Variants in RAI1 observed in about 807,000 individuals in gnomAD.
RAI1 encodes retinoic acid-induced protein 1.
In RAI1, 9 loss-of-function variants were observed where a neutral mutation model predicts 123.8. The observed-to-expected ratio is 0.07, with a 90% CI of 0.04 to 0.13. The LOEUF is 0.13. Among genes scored for constraint, RAI1 ranks in the 10% least tolerant of loss-of-function variants. The pLI is 1.00. For synonymous variants in RAI1, 1,231 were observed against 1,127.3 expected (o/e 1.09, Z -1.84); for missense variants, 2,256 against 2,545.8 (o/e 0.89, Z 2.45).
intron 2 of RAI1, chr17:17,778,320 G>A (rs1598073237): frequency 8.9e-6 from 2 of 224,498 alleles, no homozygotes; most frequent in East Asian, 1.2e-4. Flanking sequence ...GAAAGTACAA[G>A]ACTTGGACCT....
At chr17:17,783,270 C>T (rs1000153450) in intron 2 of RAI1, among the ~76,000 whole-genome samples, 3 of 152,036 alleles carry the variant, frequency 2.0e-5, no homozygotes, top group Admixed American at 6.5e-5. Flanking sequence ...CGCCCTTCGC[C>T]GGCGGAGAAC....
At chr17:17,741,385 C>T (rs536550132) in intron 2 of RAI1, among the ~76,000 whole-genome samples, 101 of 152,368 alleles carry the variant, frequency 6.6e-4, no homozygotes, top group African/African-American at 2.3e-3. Context: ...ACCCTCCCTC[C>T]CGGGCCCCTC....
At chr17:17,739,386 G>A (rs1026328121) in intron 2 of RAI1, among the ~76,000 whole-genome samples, 2 of 152,182 alleles carry the variant, frequency 1.3e-5, no homozygotes, top group African/African-American at 4.8e-5. Context: ...AAATGAAAAC[G>A]CAGAATCCCA....
chr17:17,764,849 CA>C, intron 2 of RAI1, among the ~76,000 whole-genome samples: 2 of 152,274 alleles, frequency 1.3e-5, no homozygotes, highest in Non-Finnish European at 2.9e-5. Context: ...CTCGGCCTCC[CA>C]AAGTGCTGGG....
intron 3 of RAI1, among the ~76,000 whole-genome samples, chr17:17,798,779 C>CA (rs1176166806): frequency 1.3e-5 from 2 of 152,206 alleles, no homozygotes; most frequent in Non-Finnish European, 2.9e-5. Context: ...CTCTCCCACT[C>CA]ACCTGGCATC....
rs1914598249 is a variant in RAI1, at chr17:17,685,513, T to C, written c.-149+3720T>C. On this transcript the variant is annotated intron_variant, in intron 1 of 5. Coordinates refer to ENST00000353383, the MANE Select transcript of RAI1 (RefSeq NM_030665.4). The surrounding 1 kb of genome is among the most constrained non-coding windows in gnomAD (Gnocchi z 4.0). ...GGGAACACAGTGAGCAGAGCGAGTC[T>C]TTGGAAGCTGGAAGGGATGTGGCCT... is the stretch of plus-strand genomic sequence containing the variant. Among the ~76,000 whole-genome samples the C allele has an allele frequency of 6.6e-6, 1 of 152,156 alleles. No homozygotes were observed. The highest frequency in any genetic ancestry group is 2.4e-5 in the African/African-American group (1 of 41,428).
intron 2 of RAI1, among the ~76,000 whole-genome samples, chr17:17,790,275 G>T (rs919185478): frequency 6.6e-6 from 1 of 152,250 alleles, no homozygotes; most frequent in Non-Finnish European, 1.5e-5. Flanking sequence ...CTGAGAGGCG[G>T]CCTGTGCCTT....
chr17:17,682,885 G>C (rs1295520428), intron 1 of RAI1, among the ~76,000 whole-genome samples: 1 of 152,122 alleles, frequency 6.6e-6, no homozygotes, highest in Non-Finnish European at 1.5e-5. Context: ...GAATGGATGG[G>C]AGCGAGTGTA....
intron 2 of RAI1, among the ~76,000 whole-genome samples, chr17:17,761,026 A>G (rs1424460685): frequency 6.6e-6 from 1 of 152,228 alleles, no homozygotes; most frequent in Non-Finnish European, 1.5e-5. Context: ...TTTTGGAGTC[A>G]AACAGACCTG....
Position 17,795,198 on chromosome 17 carries a change from C to T in RAI1, c.2250C>T (p.Asn750=), listed in dbSNP as rs2032185985. ...SANPFAWPEE[N]LGDACPRWGL... ...ACCCCTTTGCCTGGCCAGAGGAAAA[C>T]CTGGGGGATGCTTGTCCCAGGTGGG... is the stretch of plus-strand genomic sequence containing the variant. The change falls in exon 3 of 6, where the codon AAC becomes AAT. Residue 750 remains asparagine (N), a synonymous_variant. Transcript: ENST00000353383. This position sits in a 1 kb window ranked among gnomAD's most constrained non-coding sequence, Gnocchi z 5.9. 1.2e-6 allele frequency: 2 copies of T among 1,613,878 alleles called. No homozygotes were observed. Among genetic ancestry groups the T allele is most frequent in the African/African-American group, 1.3e-5 (1 of 74,902 alleles).
At chr17:17,730,874 C>T (rs567707444) in intron 2 of RAI1, among the ~76,000 whole-genome samples, 1 of 152,212 alleles carries the variant, frequency 6.6e-6, no homozygotes, top group Non-Finnish European at 1.5e-5. Context: ...GAAGCTTTGC[C>T]GGTGTCACTC....
At position 17,784,249 on chromosome 17, in the gene RAI1, G is replaced by T. The variant is rs372373803; in HGVS notation, c.-16-8684G>T. The stretch of plus-strand genomic sequence containing the variant: ...AACGGGGACTGGGAGGGGCTGGCCT[G>T]CTGTGCCTCCCCGGCTGTCAGAATG... On this transcript the variant is annotated intron_variant, in intron 2 of 5. Coordinates refer to ENST00000353383, the MANE Select transcript of RAI1 (RefSeq NM_030665.4). Among the ~76,000 whole-genome samples, 1,058 of 152,326 alleles carry T rather than the reference G, an allele frequency of 6.9e-3. 12 individuals are homozygous for T. The highest frequency in any genetic ancestry group is 0.024 in the African/African-American group (1,008 of 41,584).
chr17:17,710,759 G>A (rs1377002788), intron 1 of RAI1, among the ~76,000 whole-genome samples: 2 of 152,250 alleles, frequency 1.3e-5, no homozygotes, highest in African/African-American at 4.8e-5. Context: ...TGCCTCATTT[G>A]AGACAGAGCC....
chr17:17,744,784 C>T (rs1916764505), intron 2 of RAI1, among the ~76,000 whole-genome samples: 1 of 122,634 alleles, frequency 8.2e-6, no homozygotes, highest in South Asian at 2.5e-4. Context: ...GTTGAGACTC[C>T]GTCTCAAAAA....
intron 2 of RAI1, among the ~76,000 whole-genome samples, chr17:17,773,271 G>A (rs990280672): frequency 2.0e-5 from 3 of 152,162 alleles, no homozygotes; most frequent in African/African-American, 7.2e-5. Context: ...TGTGCCCAGC[G>A]TGGAGGCTCA....
At chr17:17,734,143 T>C (rs1056277637) in intron 2 of RAI1, among the ~76,000 whole-genome samples, 2 of 152,136 alleles carry the variant, frequency 1.3e-5, no homozygotes, top group Admixed American at 6.5e-5. Context: ...AGTCAAGCAC[T>C]GGCTAGTTGG....
intron 2 of RAI1, among the ~76,000 whole-genome samples, chr17:17,745,870 C>T (rs1012494995): frequency 1.3e-5 from 2 of 152,110 alleles, no homozygotes; most frequent in South Asian, 2.1e-4. Flanking sequence ...AGGATGTGGC[C>T]GGAGGAGAGG....
At chr17:17,720,601 C>T (rs1366011983) in intron 1 of RAI1, among the ~76,000 whole-genome samples, 3 of 152,224 alleles carry the variant, frequency 2.0e-5, no homozygotes, top group Non-Finnish European at 2.9e-5. Flanking sequence ...GTTGCCACTC[C>T]ATTCTGCTGC....
intron 1 of RAI1, among the ~76,000 whole-genome samples, chr17:17,701,977 C>T (rs1915238072): frequency 6.6e-6 from 1 of 152,234 alleles, no homozygotes; most frequent in South Asian, 2.1e-4. Flanking sequence ...TACTTGTCCT[C>T]TAATGGAAAA....
Sources: allele counts gnomAD v4.1 joint callset (sites outside exome capture counted in the v4.1 genomes callset), GRCh38; gene constraint gnomAD v4.1.1; non-coding constraint Gnocchi (gnomAD v3.1); transcripts MANE v1.5; gene names NCBI Gene and HGNC (gene_info 2026-07-23, HGNC 2026-07-21).